Variants in CCDC102B observed in about 807,000 individuals in gnomAD.
The protein encoded by CCDC102B is coiled-coil domain containing 102B.
In CCDC102B, 75 loss-of-function variants were observed where a neutral mutation model predicts 57.4. That is an observed-to-expected ratio of 1.31 (90% CI 1.08 to 1.58). The LOEUF is 1.58. Among genes scored for constraint, CCDC102B ranks in the 40% most tolerant of loss-of-function variants. The pLI is 0.00. For synonymous variants in CCDC102B, 206 were observed against 201.9 expected, an observed-to-expected ratio of 1.02 and a Z score of -0.17; for missense variants, 636 against 582.6, an observed-to-expected ratio of 1.09 and a Z score of -0.94.
intron 6 of CCDC102B, among the ~76,000 whole-genome samples, chr18:68,974,175 C>CT (rs2050374618): frequency 6.6e-6 from 1 of 152,006 alleles, no homozygotes; most frequent in African/African-American, 2.4e-5. Context: ...CTTATGGGAG[C>CT]TATTCAGGTC....
At chr18:68,890,556 G>C (rs566517788) in intron 5 of CCDC102B, among the ~76,000 whole-genome samples, 1 of 152,134 alleles carries the variant, frequency 6.6e-6, no homozygotes, top group Non-Finnish European at 1.5e-5. Flanking sequence ...ATCACAAAAC[G>C]CACAAGCAAC....
intron 2 of CCDC102B, among the ~76,000 whole-genome samples, chr18:68,758,601 C>T (rs2034137037): frequency 6.6e-6 from 1 of 151,738 alleles, no homozygotes; most frequent in Non-Finnish European, 1.5e-5. Flanking sequence ...CCCCCAAAAT[C>T]CAATGGTGCT....
intron 4 of CCDC102B, among the ~76,000 whole-genome samples, chr18:68,873,346 T>C (rs2039309527): frequency 6.6e-6 from 1 of 152,180 alleles, no homozygotes; most frequent in African/African-American, 2.4e-5. Flanking sequence ...ATTTCTAGTA[T>C]ACTTGGACTA....
At chr18:68,951,347 T>G (rs1379195712) in intron 6 of CCDC102B, among the ~76,000 whole-genome samples, 2 of 152,164 alleles carry the variant, frequency 1.3e-5, no homozygotes, top group Non-Finnish European at 2.9e-5. Flanking sequence ...AGACTTCAGA[T>G]TTGCACTTAT....
chr18:68,997,627 A>G (rs904516553), intron 6 of CCDC102B, among the ~76,000 whole-genome samples: 1 of 152,014 alleles, frequency 6.6e-6, no homozygotes, highest in African/African-American at 2.4e-5. Flanking sequence ...TTTTTTCAGA[A>G]CATTTTTCTG....
intron 6 of CCDC102B, among the ~76,000 whole-genome samples, chr18:68,906,365 T>C (rs763619825): frequency 3.9e-5 from 6 of 152,188 alleles, no homozygotes; most frequent in Non-Finnish European, 8.8e-5. Flanking sequence ...AGTCAGATGG[T>C]AATTCTATCT....
intron 1 of CCDC102B, among the ~76,000 whole-genome samples, chr18:68,799,329 C>T (rs1296010936): frequency 6.6e-6 from 1 of 152,054 alleles, no homozygotes; most frequent in Non-Finnish European, 1.5e-5. Flanking sequence ...ATCCTATGTT[C>T]TTATGAAATC....
At chr18:68,934,867 C>T (rs769437337) in intron 6 of CCDC102B, among the ~76,000 whole-genome samples, 8 of 151,406 alleles carry the variant, frequency 5.3e-5, no homozygotes, top group African/African-American at 1.5e-4. Flanking sequence ...GATATAGGTA[C>T]GTTTCAATTA....
intron 7 of CCDC102B, among the ~76,000 whole-genome samples, chr18:69,024,446 G>C (rs2051929372): frequency 6.6e-6 from 1 of 151,956 alleles, no homozygotes; most frequent in African/African-American, 2.4e-5. Context: ...ACATATGCTA[G>C]AGCTATAAGT....
intron 5 of CCDC102B, among the ~76,000 whole-genome samples, chr18:68,891,837 A>G (rs576359367): frequency 1.1e-3 from 164 of 152,278 alleles, no homozygotes; most frequent in African/African-American, 3.8e-3. Context: ...ACCTATTTAT[A>G]GAACCTATCT....
At chr18:69,003,982 T>C (rs904670457) in intron 6 of CCDC102B, among the ~76,000 whole-genome samples, 2 of 152,178 alleles carry the variant, frequency 1.3e-5, no homozygotes, top group Non-Finnish European at 2.9e-5. Flanking sequence ...TCTAATTATA[T>C]ACTCACTTTA....
chr18:68,815,550 C>CA (rs2036439450), intron 1 of CCDC102B, among the ~76,000 whole-genome samples: 1 of 151,906 alleles, frequency 6.6e-6, no homozygotes, highest in Non-Finnish European at 1.5e-5. Context: ...TATTCAATGC[C>CA]GTAGATACAG....
chr18:68,985,374 C>T (rs1374690391), intron 6 of CCDC102B, among the ~76,000 whole-genome samples: 2 of 151,940 alleles, frequency 1.3e-5, no homozygotes, highest in African/African-American at 4.8e-5. Context: ...AAGAGAAAAC[C>T]ACTACTCTCA....
chr18:68,943,890 A>T (rs2145176569), intron 6 of CCDC102B, among the ~76,000 whole-genome samples: 1 of 152,276 alleles, frequency 6.6e-6, no homozygotes, highest in African/African-American at 2.4e-5. Context: ...CAAAGAAACA[A>T]ATGGTTACAG....
chr18:68,944,731 A>G (rs1299279307), intron 6 of CCDC102B, among the ~76,000 whole-genome samples: 2 of 152,058 alleles, frequency 1.3e-5, no homozygotes, highest in African/African-American at 4.8e-5. Context: ...CAGTATTCAC[A>G]CATTACTAGA....
At chr18:68,778,946 A>G (rs1054915080) in intron 2 of CCDC102B, among the ~76,000 whole-genome samples, 5 of 151,996 alleles carry the variant, frequency 3.3e-5, no homozygotes, top group African/African-American at 1.2e-4. Context: ...TTAAAAGGTA[A>G]ATAGGGTGGG....
Position 68,837,058 on chromosome 18 carries a change from A to T in CCDC102B, c.295A>T (p.Thr99Ser). ...GACCATGCGGTGGTGGTCGGACTGC[A>T]CTGCCAACTGGAGAGAAAAATGGAG... ...EKTMRWWSDC[T>S]ANWREKWSKV... The change falls in exon 2 of 8, where the codon ACT becomes TCT. Residue 99 changes from threonine (T) to serine (S), a missense_variant. Coordinates refer to ENST00000360242, the MANE Select transcript of CCDC102B (RefSeq NM_024781.3). The T allele has an allele frequency of 3.1e-6, 5 of 1,614,176 alleles. No individual in the cohort carries two copies. The highest frequency in any genetic ancestry group is 4.2e-6 in the Non-Finnish European group (5 of 1,180,030).
At chr18:68,934,484 A>T (rs1026346919) in intron 6 of CCDC102B, among the ~76,000 whole-genome samples, 1 of 152,034 alleles carries the variant, frequency 6.6e-6, no homozygotes, top group Non-Finnish European at 1.5e-5. Flanking sequence ...AATTCCACTC[A>T]TGATTTCTGA....
chr18:68,870,834 G>A (rs533888822), intron 4 of CCDC102B, among the ~76,000 whole-genome samples: 12 of 152,226 alleles, frequency 7.9e-5, no homozygotes, highest in Admixed American at 5.2e-4. Context: ...AATCCTTTTG[G>A]ATCATTTTGA....
Sources: allele counts gnomAD v4.1 joint callset (sites outside exome capture counted in the v4.1 genomes callset), GRCh38; gene constraint gnomAD v4.1.1; transcripts MANE v1.5; gene names NCBI Gene and HGNC (gene_info 2026-07-23, HGNC 2026-07-21).